DLEC1: variants seen among roughly 807,000 people sequenced by gnomAD.
The protein encoded by DLEC1 is deleted in lung and esophageal cancer protein 1.
In DLEC1, 146 loss-of-function variants were observed where a neutral mutation model predicts 198.1. The observed-to-expected ratio is 0.74, with a 90% CI of 0.64 to 0.85. DLEC1 has a LOEUF of 0.85. Among genes scored for constraint, DLEC1 ranks in the 40% least tolerant of loss-of-function variants. DLEC1 has a pLI of 0.00. For synonymous variants in DLEC1, 897 were observed against 866.8 expected (o/e 1.03, Z -0.61); for missense variants, 2,233 against 2,220.0 (o/e 1.01, Z -0.12).
chr3:38,116,589 G>T lies in DLEC1; in HGVS notation c.3993G>T (p.Glu1331Asp). ...AGCTTGTGTGCCCTGATACCCCTGAGGGTGGCTGCCTCCTCTGGTCCCCAG... is the reference window on the plus strand; with the variant it reads ...AGCTTGTGTGCCCTGATACCCCTGATGGTGGCTGCCTCCTCTGGTCCCCAG... ...GNELVCPDTP[E>D]GGCLLWSPGP... Residue 1331 changes from glutamate (E) to aspartate (D), a missense_variant, in exon 28 of 37, where the codon GAG (glutamate) becomes GAT (aspartate). Glu to Asp is a conservative substitution (Grantham distance 45). Coordinates refer to ENST00000308059, the MANE Select transcript of DLEC1 (RefSeq NM_007335.4). The T allele has an allele frequency of 6.2e-7, 1 of 1,614,144 alleles. No individual in the cohort carries two copies. The highest frequency in any genetic ancestry group is 8.5e-7 in the Non-Finnish European group (1 of 1,179,996).
chr3:38,085,357 G>T lies in DLEC1; in HGVS notation c.1345G>T (p.Asp449Tyr). The change falls in exon 8 of 37, where the codon GAT becomes TAT. Residue 449 changes from aspartate (D) to tyrosine (Y), a missense_variant. Asp to Tyr is a radical substitution (Grantham distance 160). Transcript: ENST00000308059. ...CCAGTTTTTTCCCGACTGCCTTGGG[G>T]ATTTTGATGATTTTATTTTAGTGGA... Reference protein sequence around the residue: ...IVQFFPDCLGDFDDFILVETQ... With the variant: ...IVQFFPDCLGYFDDFILVETQ... 1 of 1,614,140 alleles carries T rather than the reference G, an allele frequency of 6.2e-7. No individual in the cohort carries two copies. Among genetic ancestry groups the T allele is most frequent in the Non-Finnish European group, 8.5e-7 (1 of 1,180,028 alleles).
At chr3:38,051,627 G>T in intron 2 of DLEC1, 1 of 222,708 alleles carries the variant, frequency 4.5e-6, no homozygotes. Flanking sequence ...GACAAGGACG[G>T]TGGAGTCGTT....
Position 38,109,480 on chromosome 3 carries a change from A to C in DLEC1, c.3178A>C (p.Lys1060Gln). 6.2e-7 allele frequency: 1 copy of C among 1,614,200 alleles called. No homozygotes were observed. The highest frequency in any genetic ancestry group is 8.5e-7 in the Non-Finnish European group (1 of 1,180,004). The change falls in exon 22 of 37, where the codon AAG becomes CAG. Residue 1060 changes from lysine to glutamine, a missense_variant. Transcript: ENST00000308059. ...ALPCHVSGMK[K>Q]PLVLGISGKP... Reference sequence around the variant, plus strand: ...CCCTTGTCACGTGTCAGGCATGAAGAAGCCACTGGTTCTAGGCATTTCTGG... The same window carrying C: ...CCCTTGTCACGTGTCAGGCATGAAGCAGCCACTGGTTCTAGGCATTTCTGG...
chr3:38,063,362 C>T (rs973213016), intron 5 of DLEC1, among the ~76,000 whole-genome samples: 2 of 151,990 alleles, frequency 1.3e-5, no homozygotes, highest in African/African-American at 2.4e-5. Flanking sequence ...ACTTGGGAGG[C>T]GGAAGTGGAA....
intron 23 of DLEC1, among the ~76,000 whole-genome samples, chr3:38,110,625 C>A (rs567233034): frequency 1.3e-5 from 2 of 152,244 alleles, no homozygotes; most frequent in East Asian, 3.9e-4. Flanking sequence ...AGGAATAGTT[C>A]AGGAGTAGGG....
chr3:38,123,061 A>G lies in DLEC1; in HGVS notation c.*649A>G, dbSNP rs1700570758. ...TGGGACCTCACTCAGTTCCCAGGGT[A>G]TTCAAAGACGGCAGCGGCTCCCATT... On this transcript the variant is annotated 3_prime_UTR_variant, in exon 37 of 37. Transcript: ENST00000308059. 6.2e-6 allele frequency: 10 copies of G among 1,614,156 alleles called. No homozygotes were observed. The highest frequency in any genetic ancestry group is 2.2e-5 in the East Asian group (1 of 44,888).
At position 38,063,888 on chromosome 3, in the gene DLEC1, TCA is replaced by T. The variant is rs2125617104; in HGVS notation, c.1145_1146del (p.Thr382ArgfsTer3). 1 of 1,613,552 alleles carries T rather than the reference TCA, an allele frequency of 6.2e-7. No homozygotes were observed. Among genetic ancestry groups the T allele is most frequent in the Non-Finnish European group, 8.5e-7 (1 of 1,179,614 alleles). On this transcript the variant is annotated frameshift_variant, in exon 6 of 37. Transcript: ENST00000308059. LOFTEE classifies it high-confidence loss of function. Reference sequence around the variant, plus strand: ...CTAGCTAAGCCACCAATTGGGTTTTTCACAGATTATGAAATTGGTCCAGTTTA... The same window carrying T: ...CTAGCTAAGCCACCAATTGGGTTTTTCAGATTATGAAATTGGTCCAGTTTA...
In DLEC1 at chr3:38,094,921, C is replaced by A; in HGVS notation, c.1962C>A (p.Asn654Lys). ...LAFYWQIMKP[N>K]LQPLMPGETF... ...TCTACTGGCAGATCATGAAGCCCAA[C>A]CTGCAGCCCCTCATGCCTGGAGAAA... Residue 654 changes from asparagine (N) to lysine (K), a missense_variant, in exon 13 of 37, where the codon AAC (asparagine) becomes AAA (lysine). Asn to Lys is a moderately conservative substitution (Grantham distance 94). Transcript: ENST00000308059. 6.2e-7 allele frequency: 1 copy of A among 1,614,194 alleles called. No homozygotes were observed. Among genetic ancestry groups the A allele is most frequent in the Non-Finnish European group, 8.5e-7 (1 of 1,180,026 alleles).
In DLEC1 at chr3:38,115,199, T is replaced by C. The variant is rs1393580604; in HGVS notation, c.3856+146T>C. The C allele has an allele frequency of 1.9e-5, 15 of 778,896 alleles. No individual in the cohort carries two copies. In the Admixed American group the frequency reaches 3.6e-4, roughly 19 times the overall value. The allele number at this position is 778,896 out of a possible 1,614,324, so 48.2% of individuals were successfully genotyped here. On this transcript the variant is annotated intron_variant, in intron 27 of 36. Transcript: ENST00000308059. Reference sequence around the variant, plus strand: ...GGGCCTGTGGTTACGGAAGTGTGGATGGGCCCACAGATGCCCTGCTCTCAT... The same window carrying C: ...GGGCCTGTGGTTACGGAAGTGTGGACGGGCCCACAGATGCCCTGCTCTCAT...
chr3:38,112,229 A>G lies in DLEC1; in HGVS notation c.3534A>G (p.Leu1178=). ...REQLDFMESM[L]SHGKGAAFFP... is the part of the protein sequence containing the mutation. ...TCCCAGATTTTATGGAGAGCATGCT[A>G]TCCCACGGGAAAGGAGCTGCTTTCT... The change falls in exon 25 of 37, where the codon CTA becomes CTG. Residue 1178 remains leucine (L), a synonymous_variant. Transcript: ENST00000308059. The surrounding 1 kb of genome is among the most constrained non-coding windows in gnomAD (Gnocchi z 4.8). 1 of 1,614,128 alleles carries G rather than the reference A, an allele frequency of 6.2e-7. No individual in the cohort carries two copies. Among genetic ancestry groups the G allele is most frequent in the Non-Finnish European group, 8.5e-7 (1 of 1,179,996 alleles).
Position 38,042,456 on chromosome 3 carries a change from G to A in DLEC1, c.411+2820G>A, listed in dbSNP as rs537034360. 1.1e-4 allele frequency among the ~76,000 whole-genome samples: 17 copies of A among 151,454 alleles called. No homozygotes were observed. In the South Asian group the frequency reaches 1.2e-3, roughly 11 times the overall value. The stretch of plus-strand genomic sequence containing the variant: ...TTCTTTGCACATTTCTATATTGTCT[G>A]AATTTTGCAATGTACACGAATTAAT... On this transcript the variant is annotated intron_variant, in intron 1 of 36. Transcript: ENST00000308059.
At chr3:38,062,096 T>C (rs934766183) in intron 3 of DLEC1, 73 bp from the exon 4 acceptor site, 18 of 1,516,910 alleles carry the variant, frequency 1.2e-5, no homozygotes, top group Non-Finnish European at 1.5e-5. Context: ...TTGGTGGTTT[T>C]ATTTGGTCAT....
intron 2 of DLEC1, among the ~76,000 whole-genome samples, chr3:38,050,397 A>C (rs1012264738): frequency 6.6e-6 from 1 of 152,190 alleles, no homozygotes; most frequent in African/African-American, 2.4e-5. Context: ...GAGGCTGGGT[A>C]ATTTATAAAG....
In DLEC1 at chr3:38,086,323, T is replaced by C. The variant is rs893232512; in HGVS notation, c.1518T>C (p.Ser506=). Residue 506 remains serine (S), a synonymous_variant, in exon 9 of 37, where the codon AGT becomes AGC. Transcript: ENST00000308059. ...TCATCTGCAAAAATGTGGGTTTCAG[T>C]GTTGGCAGGTTCTGCATTATGCCCA... is the stretch of plus-strand genomic sequence containing the variant. ...TRFICKNVGF[S]VGRFCIMPKT... 1.2e-6 allele frequency: 2 copies of C among 1,613,428 alleles called. No individual in the cohort carries two copies. Among genetic ancestry groups the C allele is most frequent in the Non-Finnish European group, 8.5e-7 (1 of 1,179,626 alleles).
At chr3:38,080,105 T>G (rs956384852) in intron 6 of DLEC1, among the ~76,000 whole-genome samples, 4 of 152,226 alleles carry the variant, frequency 2.6e-5, no homozygotes, top group Admixed American at 6.5e-5. Flanking sequence ...AAAGCCTAAA[T>G]GCTGTCTGAT....
At chr3:38,084,574 TAGTGG>T (rs1411392609) in intron 7 of DLEC1, among the ~76,000 whole-genome samples, 2 of 9,092 alleles carry the variant, frequency 2.2e-4, no homozygotes, top group East Asian at 2.0e-3. Flanking sequence ...GTAGTAGTAG[TAGTGG>T]GGGGGTGGTA....
In DLEC1 at chr3:38,096,744, C is replaced by A; in HGVS notation, c.2340+7C>A. On this transcript the variant is annotated splice_region_variant and intron_variant, in intron 15 of 36. Transcript: ENST00000308059. Reference sequence around the variant, plus strand: ...TGTGAAGAAGGCTTTTAAGGTAGGTCATTGTCTCTCCCCTGCCTAGGCTGG... The same window carrying A: ...TGTGAAGAAGGCTTTTAAGGTAGGTAATTGTCTCTCCCCTGCCTAGGCTGG... 6.2e-7 allele frequency: 1 copy of A among 1,600,468 alleles called. No individual in the cohort carries two copies. The highest frequency in any genetic ancestry group is 1.1e-5 in the South Asian group (1 of 88,962).
intron 10 of DLEC1, 55 bp downstream of exon 10, chr3:38,088,443 G>T: frequency 6.5e-7 from 1 of 1,544,614 alleles, no homozygotes; most frequent in Non-Finnish European, 8.9e-7. Flanking sequence ...GCTTGCATTT[G>T]TCTCTGTTTT....
chr3:38,107,221 G>A (rs1012112038), intron 19 of DLEC1, among the ~76,000 whole-genome samples: 2 of 152,076 alleles, frequency 1.3e-5, no homozygotes, highest in African/African-American at 2.4e-5. Flanking sequence ...GATGGGGAGG[G>A]GAAGTAACCA....
Sources: allele counts gnomAD v4.1 joint callset (sites outside exome capture counted in the v4.1 genomes callset), GRCh38; gene constraint gnomAD v4.1.1; non-coding constraint Gnocchi (gnomAD v3.1); transcripts MANE v1.5; gene names NCBI Gene and HGNC (gene_info 2026-07-23, HGNC 2026-07-21).